Variants in DMAC2 observed in about 807,000 individuals in gnomAD.
DMAC2 encodes distal membrane-arm assembly complex protein 2.
Under a neutral mutation model 29.6 loss-of-function variants are expected in DMAC2, and 32 were observed. The ratio of observed to expected loss-of-function variants is 1.08; its 90% confidence interval spans 0.81 to 1.45. DMAC2 has a LOEUF of 1.45. Ranked by LOEUF, DMAC2 falls within the 40% of genes most tolerant of loss-of-function variation. The pLI is 0.00. For synonymous variants in DMAC2, 133 were observed against 137.4 expected, an observed-to-expected ratio of 0.97 and a Z score of 0.23; for missense variants, 319 against 340.0, an observed-to-expected ratio of 0.94 and a Z score of 0.49.
chr19:41,437,448 CAGCACTCTGGG>C (rs1177050200), intron 2 of DMAC2, among the ~76,000 whole-genome samples: 1 of 152,150 alleles, frequency 6.6e-6, no homozygotes, highest in Non-Finnish European at 1.5e-5. Context: ...CCTGTAATCC[CAGCACTCTGGG>C]AGACCGAGGC....
chr19:41,432,605 G>C, intron 5 of DMAC2, 197 bp from the exon 6 acceptor site: 1 of 576,648 alleles, frequency 1.7e-6, no homozygotes, highest in Admixed American at 2.7e-5. Context: ...AGGTAAGCCA[G>C]TGTAAGGACA....
At chr19:41,435,569 CTAT>C (rs2122240080) in intron 3 of DMAC2, among the ~76,000 whole-genome samples, 1 of 151,814 alleles carries the variant, frequency 6.6e-6, no homozygotes, top group South Asian at 2.1e-4. Context: ...CGCGCCCGGC[CTAT>C]TATTATTTTT....
rs528808892 is a variant in DMAC2, at chr19:41,431,571, A to G, written c.*660T>C. On this transcript the variant is annotated 3_prime_UTR_variant, in exon 6 of 6. Transcript: ENST00000221943. ...GCTGGGTGCTGGGGAAGCCACATGC[A>G]CTGCGGCGTCCAGAGGCAGAAGCAC... 2 of 326,782 alleles carry G rather than the reference A, an allele frequency of 6.1e-6. No individual in the cohort carries two copies. The highest frequency in any genetic ancestry group is 4.2e-5 in the Admixed American group (1 of 23,548). 20.2% of individuals were successfully genotyped at this position (326,782 alleles called of 1,614,324 possible). A position where few individuals can be genotyped will look rare whatever the true frequency, so the allele number is the denominator to read the frequency against.
rs143580973 is a variant in DMAC2 at position 41,432,367 on chromosome 19, G to A, written c.638C>T (p.Ser213Phe). ...RLDISDLPAV[S>F]NPGLTQILVE... ...CAATATCTGAGTGAGGCCAGGGTTG[G>A]ACACGGCAGGGAGGTCCGAGATGTC... Residue 213 changes from serine (S) to phenylalanine (F), a missense_variant, in exon 6 of 6, where the codon TCC becomes TTC. Transcript: ENST00000221943. 43 of 1,613,998 alleles carry A rather than the reference G, an allele frequency of 2.7e-5. No individual in the cohort carries two copies. Among genetic ancestry groups the A allele is most frequent in the Non-Finnish European group, 3.2e-5 (38 of 1,180,044 alleles).
intron 5 of DMAC2, chr19:41,432,972 G>T: frequency 1.9e-6 from 1 of 523,344 alleles, no homozygotes; most frequent in South Asian, 3.0e-5. Flanking sequence ...CTTTATAGCT[G>T]TCCAGGCACA....
chr19:41,434,797 G>C (rs963079038), intron 3 of DMAC2, among the ~76,000 whole-genome samples: 1 of 152,032 alleles, frequency 6.6e-6, no homozygotes, highest in Non-Finnish European at 1.5e-5. Context: ...TTGAGGTCAG[G>C]GGTTGGAGAC....
Position 41,433,688 on chromosome 19 carries a change from G to C in DMAC2, c.297-15C>G, listed in dbSNP as rs782094200. 1 of 1,614,076 alleles carries C rather than the reference G, an allele frequency of 6.2e-7. No individual in the cohort carries two copies. The highest frequency in any genetic ancestry group is 8.5e-7 in the Non-Finnish European group (1 of 1,179,952). ...TGTCTCGAAACCTGGAAACGGGAAA[G>C]GGAGTGTCAGCAGGGCACCTGAACC... On this transcript the variant is annotated splice_polypyrimidine_tract_variant and intron_variant, in intron 3 of 5. Coordinates refer to ENST00000221943, the MANE Select transcript of DMAC2 (RefSeq NM_018035.3).
chr19:41,432,901 T>A (rs903730621), intron 5 of DMAC2: 2 of 515,252 alleles, frequency 3.9e-6, no homozygotes, highest in Middle Eastern at 5.0e-4. Context: ...CATGCGTGCA[T>A]GTGTGTGTGT....
intron 5 of DMAC2, chr19:41,433,034 G>C (rs2039656691): frequency 1.8e-6 from 1 of 544,416 alleles, no homozygotes; most frequent in Non-Finnish European, 3.2e-6. Flanking sequence ...CTGCTGTTCT[G>C]CAACAGCGTC....
chr19:41,432,257 C>T lies in DMAC2; in HGVS notation c.748G>A (p.Asp250Asn). 6.2e-7 allele frequency: 1 copy of T among 1,614,000 alleles called. No individual in the cohort carries two copies. The highest frequency in any genetic ancestry group is 8.5e-7 in the Non-Finnish European group (1 of 1,179,962). ...TAGGCAGGGACAGGGCTGGCTGTGT[C>T]CCGAGGCTGCTCCTCCGGCCCTGAC... ...LKSGPEEQPR[D>N]TASPVPA The change falls in exon 6 of 6, where the codon GAC becomes AAC. Residue 250 changes from aspartate (D) to asparagine (N), a missense_variant. Coordinates refer to ENST00000221943, the MANE Select transcript of DMAC2 (RefSeq NM_018035.3).
chr19:41,439,093 C>T (rs1030523009), intron 1 of DMAC2: 15 of 208,998 alleles, frequency 7.2e-5, no homozygotes, highest in African/African-American at 1.2e-4. Flanking sequence ...AAAGCATGAG[C>T]TTTGAAGAGG....
chr19:41,432,930 C>T (rs565323369), intron 5 of DMAC2: 2 of 510,722 alleles, frequency 3.9e-6, no homozygotes, highest in East Asian at 6.3e-5. Context: ...GTACTGGCCC[C>T]AAATTTCAAC....
chr19:41,438,471 T>C, intron 1 of DMAC2, 57 bp from the exon 2 acceptor site: 1 of 1,449,948 alleles, frequency 6.9e-7, no homozygotes, highest in Non-Finnish European at 9.3e-7. Flanking sequence ...GACACAGAGC[T>C]GGATCCCCCA....
intron 5 of DMAC2, chr19:41,432,779 CGTGCGTGTGTGTGTGTGTGTGT>C: frequency 3.3e-6 from 1 of 303,390 alleles, no homozygotes; most frequent in Non-Finnish European, 5.5e-6. Flanking sequence ...TACAGGACAG[CGTGCGTGTGTGTGTGTGTGTGT>C]GTGTGTGTGT....
chr19:41,436,589 C>G (rs2039877396), intron 2 of DMAC2, 117 bp from the exon 3 acceptor site: 3 of 840,784 alleles, frequency 3.6e-6, no homozygotes, highest in Non-Finnish European at 5.8e-6. Flanking sequence ...CAGATTCAGT[C>G]AGGCTGAAAA....
Position 41,432,121 on chromosome 19 carries a change from C to T in DMAC2, c.*110G>A. The stretch of plus-strand genomic sequence containing the variant: ...TCTCCTGTGATTGGCCAGCACCACT[C>T]CCCCACCCTGACGTTGAGTGAAGAC... On this transcript the variant is annotated 3_prime_UTR_variant, in exon 6 of 6. Transcript: ENST00000221943. The T allele has an allele frequency of 7.8e-7, 1 of 1,283,632 alleles. No homozygotes were observed. Among genetic ancestry groups the T allele is most frequent in the Non-Finnish European group, 1.1e-6 (1 of 916,524 alleles). The allele number at this position is 1,283,632 out of a possible 1,614,324, so 79.5% of individuals were successfully genotyped here.
chr19:41,439,677 C>T (rs2040053009), intron 1 of DMAC2: 5 of 1,324,426 alleles, frequency 3.8e-6, no homozygotes, highest in Middle Eastern at 2.1e-4. Context: ...TCCTCTCGCT[C>T]GCTAAAGCGT....
rs782763663 is a variant in DMAC2 at position 41,433,381 on chromosome 19, C to T, written c.487G>A (p.Asp163Asn). Residue 163 changes from aspartate to asparagine, a missense_variant, in exon 5 of 6, where the codon GAC (aspartate) becomes AAC (asparagine). Physicochemically the swap from Asp to Asn is conservative, Grantham distance 23. Coordinates refer to ENST00000221943, the MANE Select transcript of DMAC2 (RefSeq NM_018035.3). ...LSLQRCCHVD[D>N]WCLSRLYPLA... is the part of the protein sequence containing the mutation. ...GGGTAGAGGCGGCTGAGACACCAGTCGTCCACGTGGCAGCAGCGCTGCAGC... is the reference window on the plus strand; with the variant it reads ...GGGTAGAGGCGGCTGAGACACCAGTTGTCCACGTGGCAGCAGCGCTGCAGC... The T allele has an allele frequency of 2.0e-5, 32 of 1,612,996 alleles. No homozygotes were observed. Among genetic ancestry groups the T allele is most frequent in the Middle Eastern group, 1.6e-4 (1 of 6,064 alleles).
rs566734225 is a variant in DMAC2 at position 41,436,446 on chromosome 19, T to C, written c.242A>G (p.His81Arg). 1.6e-4 allele frequency: 259 copies of C among 1,614,152 alleles called. No homozygotes were observed. The highest frequency in any genetic ancestry group is 1.4e-3 in the Admixed American group (82 of 60,022). ...AAAGGCACCTGCGCCGTATGGACCA[T>C]GTTGCTTCTCCAGCCAGGTGTAAGA... ...NRSYTWLEKQ[H>R]GPYGAGAFFI... The change falls in exon 3 of 6, where the codon CAT becomes CGT. Residue 81 changes from histidine (H) to arginine (R), a missense_variant. Coordinates refer to ENST00000221943, the MANE Select transcript of DMAC2 (RefSeq NM_018035.3).
Sources: gnomAD v4.1 joint callset for allele counts (sites outside exome capture counted in the v4.1 genomes callset) on GRCh38, gnomAD v4.1.1 for gene constraint, MANE v1.5 for transcripts, NCBI Gene and HGNC (gene_info 2026-07-23, HGNC 2026-07-21) for gene names.